The following FHIT variants were observed in gnomAD, a reference collection of about 807,000 sequenced individuals.
The protein encoded by FHIT is fragile histidine triad diadenosine triphosphatase.
Under a neutral mutation model 17.9 loss-of-function variants are expected in FHIT, and 19 were observed. That is an observed-to-expected ratio of 1.06 (90% CI 0.74 to 1.56). FHIT has a LOEUF of 1.56. Among genes scored for constraint, FHIT ranks in the 40% most tolerant of loss-of-function variants. The pLI is 0.00. For missense variants in FHIT, 248 were observed against 189.2 expected, an observed-to-expected ratio of 1.31 and a Z score of -1.82; for synonymous variants, 81 against 69.7, an observed-to-expected ratio of 1.16 and a Z score of -0.81.
chr3:60,788,202 G>A (rs1024379436), intron 4 of FHIT, among the ~76,000 whole-genome samples: 1 of 152,096 alleles, frequency 6.6e-6, no homozygotes, highest in Non-Finnish European at 1.5e-5. Flanking sequence ...TAAGGTGGGA[G>A]GATTACTTGA....
At chr3:60,946,326 A>G (rs1311618057) in intron 3 of FHIT, among the ~76,000 whole-genome samples, 2 of 152,194 alleles carry the variant, frequency 1.3e-5, no homozygotes, top group African/African-American at 2.4e-5. Context: ...CACTATTGGC[A>G]TTTGGGGAAA....
chr3:61,216,342 G>C (rs185585076), intron 1 of FHIT, among the ~76,000 whole-genome samples: 63 of 152,172 alleles, frequency 4.1e-4, no homozygotes, highest in African/African-American at 7.2e-4. Flanking sequence ...AGGACATGAA[G>C]AGACACTTCT....
At chr3:61,233,174 T>C (rs1231537267) in intron 1 of FHIT, among the ~76,000 whole-genome samples, 1 of 152,198 alleles carries the variant, frequency 6.6e-6, no homozygotes, top group Non-Finnish European at 1.5e-5. Flanking sequence ...TCCTTAAAAC[T>C]GGCATATCCC....
intron 8 of FHIT, among the ~76,000 whole-genome samples, chr3:59,859,678 G>C (rs1702326023): frequency 6.6e-6 from 1 of 152,148 alleles, no homozygotes; most frequent in East Asian, 1.9e-4. Context: ...TGAAGATCGC[G>C]TCACTGCACT....
intron 5 of FHIT, among the ~76,000 whole-genome samples, chr3:60,415,859 ATAT>A (rs1020968469): frequency 3.0e-4 from 37 of 124,656 alleles, no homozygotes; most frequent in African/African-American, 9.0e-4. Context: ...TTTATATAAG[ATAT>A]TATTATATAA....
At chr3:60,253,855 T>C (rs1009169208) in intron 5 of FHIT, among the ~76,000 whole-genome samples, 1 of 152,200 alleles carries the variant, frequency 6.6e-6, no homozygotes. Context: ...TTTCTGAATA[T>C]TACCAAGAAT....
chr3:60,758,205 C>A (rs1423730630), intron 4 of FHIT, among the ~76,000 whole-genome samples: 3 of 152,198 alleles, frequency 2.0e-5, no homozygotes, highest in African/African-American at 7.2e-5. Flanking sequence ...TCCCTCAGGT[C>A]CCAATAACCT....
chr3:59,822,236 T>C (rs1700818973), intron 8 of FHIT, among the ~76,000 whole-genome samples: 1 of 152,206 alleles, frequency 6.6e-6, no homozygotes, highest in Non-Finnish European at 1.5e-5. Flanking sequence ...TTTGCAATTG[T>C]GAATTGTGCT....
chr3:60,452,335 G>A (rs2031805030), intron 5 of FHIT, among the ~76,000 whole-genome samples: 1 of 152,140 alleles, frequency 6.6e-6, no homozygotes, highest in African/African-American at 2.4e-5. Context: ...CTATGAAGTG[G>A]TTTAAAGTGG....
Position 60,548,555 on chromosome 3 carries a change from C to A in FHIT, c.-17-11576G>T, listed in dbSNP as rs572679875. Among the ~76,000 whole-genome samples the A allele has an allele frequency of 1.8e-3, 277 of 152,288 alleles. 3 individuals are homozygous for A. The highest frequency in any genetic ancestry group is 0.017 in the Middle Eastern group (5 of 294). On this transcript the variant is annotated intron_variant, in intron 4 of 9. Coordinates refer to ENST00000492590, the MANE Select transcript of FHIT (RefSeq NM_002012.4). Reference sequence around the variant, plus strand: ...ATTTCCATCCCATTTCATGATTTCTCTCTCTTTTCTGTAGCAAATGATGTT... The same window carrying A: ...ATTTCCATCCCATTTCATGATTTCTATCTCTTTTCTGTAGCAAATGATGTT...
chr3:60,015,362 GAAAAGAAGCATTTT>G (rs896007546), intron 5 of FHIT, among the ~76,000 whole-genome samples: 4 of 152,152 alleles, frequency 2.6e-5, no homozygotes, highest in African/African-American at 9.7e-5. Flanking sequence ...GGTAAACTAG[GAAAAGAAGCATTTT>G]TAAAATCAGA....
At chr3:60,563,792 C>A (rs186929182) in intron 4 of FHIT, among the ~76,000 whole-genome samples, 104 of 152,244 alleles carry the variant, frequency 6.8e-4, no homozygotes, top group Middle Eastern at 3.4e-3. Flanking sequence ...CTGAAGCTAG[C>A]AGAGATTGGT....
chr3:60,365,949 T>C (rs148569867), intron 5 of FHIT, among the ~76,000 whole-genome samples: 319 of 152,338 alleles, frequency 2.1e-3, no homozygotes, highest in African/African-American at 7.2e-3. Context: ...CTTTGAAGCA[T>C]ACTTAGTATT....
intron 4 of FHIT, among the ~76,000 whole-genome samples, chr3:60,597,938 C>CA (rs1179424990): frequency 1.3e-5 from 2 of 152,042 alleles, no homozygotes; most frequent in East Asian, 3.9e-4. Context: ...TAAGCAACAT[C>CA]AGAGAGATAC....
At chr3:59,987,310 T>C (rs1709028734) in intron 7 of FHIT, among the ~76,000 whole-genome samples, 1 of 151,786 alleles carries the variant, frequency 6.6e-6, no homozygotes, top group Non-Finnish European at 1.5e-5. Context: ...CTGGTATAAA[T>C]GAGCTTGGCT....
In FHIT at chr3:60,479,445, T is replaced by G. The variant is rs560876677; in HGVS notation, c.103+57415A>C. Among the ~76,000 whole-genome samples, 3 of 152,328 alleles carry G rather than the reference T, an allele frequency of 2.0e-5. No individual in the cohort carries two copies. In the East Asian group the frequency reaches 5.8e-4, roughly 29 times the overall value. On this transcript the variant is annotated intron_variant, in intron 5 of 9. Transcript: ENST00000492590. Reference sequence around the variant, plus strand: ...ATATGATGGTGGTCCTATAAGATTATAATGTATCTGGAAAATTCCTATTGC... The same window carrying G: ...ATATGATGGTGGTCCTATAAGATTAGAATGTATCTGGAAAATTCCTATTGC...
intron 3 of FHIT, among the ~76,000 whole-genome samples, chr3:61,023,934 C>T (rs998552199): frequency 5.9e-5 from 9 of 152,080 alleles, no homozygotes; most frequent in Non-Finnish European, 1.3e-4. Flanking sequence ...AGGACATAGG[C>T]ATGGGCAAAG....
In FHIT at chr3:60,825,150, A is replaced by G. The variant is rs557622597; in HGVS notation, c.-110-3139T>C. Among the ~76,000 whole-genome samples the G allele has an allele frequency of 7.2e-5, 11 of 152,312 alleles. No individual in the cohort carries two copies. The East Asian group carries it at 2.1e-3, about 29-fold the overall frequency. ...TTATTCTATTGAGCAATTTTACTGTATTATCAAAAGTGACAGTACACATAT... is the reference window on the plus strand; with the variant it reads ...TTATTCTATTGAGCAATTTTACTGTGTTATCAAAAGTGACAGTACACATAT... On this transcript the variant is annotated intron_variant, in intron 3 of 9. Transcript: ENST00000492590.
chr3:60,428,084 A>C (rs1291167403), intron 5 of FHIT, among the ~76,000 whole-genome samples: 1 of 152,142 alleles, frequency 6.6e-6, no homozygotes, highest in Non-Finnish European at 1.5e-5. Context: ...ACCTTAGTTC[A>C]AAATCTCTAA....
Sources: gnomAD v4.1 joint callset for allele counts (sites outside exome capture counted in the v4.1 genomes callset) on GRCh38, gnomAD v4.1.1 for gene constraint, MANE v1.5 for transcripts, NCBI Gene and HGNC (gene_info 2026-07-23, HGNC 2026-07-21) for gene names.